Variants in SPIDR observed in about 807,000 individuals in gnomAD.
SPIDR encodes the protein scaffold protein involved in DNA repair.
Under a neutral mutation model 104.6 loss-of-function variants are expected in SPIDR, and 93 were observed. That is an observed-to-expected ratio of 0.89 (90% confidence interval 0.75 to 1.06). The LOEUF is 1.06. Ranked by LOEUF, SPIDR falls within the 50% of genes least tolerant of loss-of-function variation. The probability of loss-of-function intolerance (pLI) is 0.00; values close to 1 mark genes in which losing one functional copy is unlikely to be tolerated. For missense variants in SPIDR, 1,154 were observed against 1,111.2 expected, an observed-to-expected ratio of 1.04 and a Z score of -0.55; for synonymous variants, 431 against 416.9, an observed-to-expected ratio of 1.03 and a Z score of -0.41.
intron 7 of SPIDR, 149 bp downstream of exon 7, chr8:47,408,110 T>C: frequency 4.7e-6 from 2 of 421,970 alleles, no homozygotes; most frequent in South Asian, 4.6e-5. Context: ...ATATAAAAAC[T>C]ATATATAGTA....
intron 5 of SPIDR, among the ~76,000 whole-genome samples, chr8:47,341,522 C>T (rs2050755147): frequency 6.6e-6 from 1 of 152,146 alleles, no homozygotes; most frequent in South Asian, 2.1e-4. Flanking sequence ...TTAGTAAATA[C>T]TAAATTCCAT....
intron 8 of SPIDR, among the ~76,000 whole-genome samples, chr8:47,456,388 A>G (rs2072974204): frequency 6.6e-6 from 1 of 152,174 alleles, no homozygotes; most frequent in Non-Finnish European, 1.5e-5. Flanking sequence ...AATGTGAGAC[A>G]ATACATTTTG....
At chr8:47,336,480 A>G (rs2049774586) in intron 5 of SPIDR, among the ~76,000 whole-genome samples, 3 of 152,204 alleles carry the variant, frequency 2.0e-5, no homozygotes, top group Admixed American at 2.0e-4. Flanking sequence ...TTAGGGGTTT[A>G]GGTAGCAGGA....
At chr8:47,600,533 G>A (rs949090407) in intron 10 of SPIDR, among the ~76,000 whole-genome samples, 2 of 152,054 alleles carry the variant, frequency 1.3e-5, no homozygotes, top group African/African-American at 4.8e-5. Context: ...TGTTTCTTTT[G>A]GAATTACAGA....
chr8:47,598,876 T>A (rs2061931365), intron 9 of SPIDR, 70 bp from the exon 10 acceptor site: 2 of 1,587,892 alleles, frequency 1.3e-6, no homozygotes, highest in African/African-American at 2.7e-5. Flanking sequence ...GTGTGCAGCA[T>A]GTTGCTTGTT....
Position 47,506,827 on chromosome 8 carries a change from G to A in SPIDR, c.1097+66285G>A, listed in dbSNP as rs550778821. ...CCTGTCATGATAGAAGGGATTGAGTGTAATTAACCGGTTATTATGTAGCAG... is the reference window on the plus strand; with the variant it reads ...CCTGTCATGATAGAAGGGATTGAGTATAATTAACCGGTTATTATGTAGCAG... On this transcript the variant is annotated intron_variant, in intron 8 of 19. Coordinates refer to ENST00000297423, the MANE Select transcript of SPIDR (RefSeq NM_001080394.4). 1.3e-4 allele frequency among the ~76,000 whole-genome samples: 20 copies of A among 152,250 alleles called. No homozygotes were observed. In the East Asian group the frequency reaches 3.9e-3, roughly 29 times the overall value.
At chr8:47,299,955 G>T (rs1003554513) in intron 5 of SPIDR, among the ~76,000 whole-genome samples, 1 of 152,172 alleles carries the variant, frequency 6.6e-6, no homozygotes. Context: ...TCAGGATGAT[G>T]CTGGCCTCAT....
chr8:47,352,957 G>A (rs1462390212), intron 5 of SPIDR, among the ~76,000 whole-genome samples: 2 of 150,838 alleles, frequency 1.3e-5, no homozygotes, highest in Non-Finnish European at 2.9e-5. Flanking sequence ...GGGAGGCTGA[G>A]GCAGGAGAAT....
At chr8:47,720,288 A>G (rs1032512297) in intron 16 of SPIDR, among the ~76,000 whole-genome samples, 3 of 152,258 alleles carry the variant, frequency 2.0e-5, no homozygotes, top group African/African-American at 4.8e-5. Context: ...TGAGGCTGCA[A>G]TAGACGTTTG....
chr8:47,321,495 G>A (rs1375818984), intron 5 of SPIDR, among the ~76,000 whole-genome samples: 5 of 152,152 alleles, frequency 3.3e-5, no homozygotes, highest in African/African-American at 4.8e-5. Context: ...GGAAGAATCA[G>A]TATCATGAAA....
chr8:47,693,450 T>G (rs578054960), intron 11 of SPIDR, among the ~76,000 whole-genome samples: 29 of 152,294 alleles, frequency 1.9e-4, no homozygotes, highest in South Asian at 1.7e-3. Context: ...GTGCCGGCAT[T>G]GCTGAAATGC....
chr8:47,374,107 G>C (rs2058374279), intron 5 of SPIDR, among the ~76,000 whole-genome samples: 1 of 152,022 alleles, frequency 6.6e-6, no homozygotes, highest in South Asian at 2.1e-4. Flanking sequence ...AAATTTAAAA[G>C]CTAGGATTAG....
intron 10 of SPIDR, among the ~76,000 whole-genome samples, chr8:47,651,719 A>G (rs1329876548): frequency 6.6e-6 from 1 of 152,228 alleles, no homozygotes; most frequent in Non-Finnish European, 1.5e-5. Flanking sequence ...TCCATCACAC[A>G]ATGAGTAGAT....
intron 8 of SPIDR, among the ~76,000 whole-genome samples, chr8:47,500,530 A>G (rs1035218347): frequency 3.9e-5 from 6 of 152,128 alleles, no homozygotes; most frequent in Non-Finnish European, 8.8e-5. Flanking sequence ...TTCATTGTAG[A>G]TTCTGGATAT....
chr8:47,460,898 A>ACAG (rs1554713074), intron 8 of SPIDR, among the ~76,000 whole-genome samples: 2 of 152,148 alleles, frequency 1.3e-5, no homozygotes, highest in Non-Finnish European at 2.9e-5. Context: ...TAAAGACTGT[A>ACAG]TCTTTCCTTC....
intron 10 of SPIDR, chr8:47,654,177 T>C (rs1264686054): frequency 1.6e-6 from 2 of 1,289,514 alleles, no homozygotes; most frequent in Non-Finnish European, 2.0e-6. Flanking sequence ...CTCTATTCGA[T>C]AAGAAGGAGC....
intron 8 of SPIDR, among the ~76,000 whole-genome samples, chr8:47,585,302 G>C (rs1413291985): frequency 6.6e-6 from 1 of 152,018 alleles, no homozygotes; most frequent in African/African-American, 2.4e-5. Flanking sequence ...ATTGTTAATT[G>C]GTGTTTTTTC....
intron 5 of SPIDR, among the ~76,000 whole-genome samples, chr8:47,368,714 A>G (rs1364125513): frequency 1.3e-5 from 2 of 152,214 alleles, no homozygotes; most frequent in African/African-American, 4.8e-5. Context: ...ATAACTTTAT[A>G]CAGCCTATTG....
chr8:47,549,228 A>G lies in SPIDR; in HGVS notation c.1098-46583A>G, dbSNP rs182587490. 2.0e-5 allele frequency among the ~76,000 whole-genome samples: 3 copies of G among 152,186 alleles called. No individual in the cohort carries two copies. In the South Asian group the frequency reaches 6.2e-4, roughly 31 times the overall value. ...TATTGTGAATATTGCTGCAATAAAC[A>G]TATGTGTGCATGTGTCTTTATAGCA... On this transcript the variant is annotated intron_variant, in intron 8 of 19. Coordinates refer to ENST00000297423, the MANE Select transcript of SPIDR (RefSeq NM_001080394.4).
Sources: gnomAD v4.1 joint callset for allele counts (sites outside exome capture counted in the v4.1 genomes callset) on GRCh38, gnomAD v4.1.1 for gene constraint, MANE v1.5 for transcripts, NCBI Gene and HGNC (gene_info 2026-07-23, HGNC 2026-07-21) for gene names.